The following CPD variants were observed in gnomAD, a reference collection of about 807,000 sequenced individuals.
CPD encodes metallocarboxypeptidase D.
In CPD, 69 loss-of-function variants were observed where a neutral mutation model predicts 138.3. The observed-to-expected ratio is 0.50, with a 90% CI of 0.41 to 0.61. CPD has a LOEUF of 0.61. CPD is among the 20% of genes least tolerant of loss of function. The pLI is 0.00. For synonymous variants in CPD, 651 were observed against 642.1 expected, an observed-to-expected ratio of 1.01 and a Z score of -0.21; for missense variants, 1,432 against 1,733.3, an observed-to-expected ratio of 0.83 and a Z score of 3.09.
intron 17 of CPD, among the ~76,000 whole-genome samples, chr17:30,457,740 A>G (rs938796738): frequency 6.6e-6 from 1 of 150,882 alleles, no homozygotes; most frequent in Non-Finnish European, 1.5e-5. Context: ...TTCGCAGCTT[A>G]TTGCAGCCTG....
intron 11 of CPD, 138 bp downstream of exon 11, chr17:30,444,109 C>A: frequency 2.8e-6 from 2 of 721,662 alleles, no homozygotes; most frequent in Non-Finnish European, 4.4e-6. Context: ...GCTGGTTATA[C>A]CTTTGACTCT....
chr17:30,395,180 A>T (rs1911466777), intron 2 of CPD, among the ~76,000 whole-genome samples: 1 of 150,940 alleles, frequency 6.6e-6, no homozygotes, highest in South Asian at 2.1e-4. Flanking sequence ...CATATATATA[A>T]ATGAACAGAT....
At chr17:30,437,014 G>A (rs1218506098) in intron 8 of CPD, among the ~76,000 whole-genome samples, 2 of 151,994 alleles carry the variant, frequency 1.3e-5, no homozygotes, top group Non-Finnish European at 2.9e-5. Context: ...AGTGAAAGAA[G>A]TCACAAGAGA....
At chr17:30,445,452 A>G (rs187367686) in intron 11 of CPD, among the ~76,000 whole-genome samples, 13 of 152,230 alleles carry the variant, frequency 8.5e-5, no homozygotes, top group Non-Finnish European at 1.5e-4. Context: ...GTGACAGAGC[A>G]AGACTCCATC....
At chr17:30,423,151 TAAAAG>T in intron 5 of CPD, 128 bp downstream of exon 5, 5 of 703,524 alleles carry the variant, frequency 7.1e-6, no homozygotes, top group South Asian at 2.3e-5. Flanking sequence ...TAACTAAAAT[TAAAAG>T]AAAGCAAAAA....
At chr17:30,455,628 A>C in intron 15 of CPD, 158 bp downstream of exon 15, 1 of 688,528 alleles carries the variant, frequency 1.5e-6, no homozygotes, top group South Asian at 2.4e-5. Context: ...TCAGCAGTTC[A>C]GTTACTTGGA....
rs541867688 is a variant in CPD at position 30,398,827 on chromosome 17, A to C, written c.994+13591A>C. On this transcript the variant is annotated intron_variant, in intron 2 of 20. Coordinates refer to ENST00000225719, the MANE Select transcript of CPD (RefSeq NM_001304.5). ...TTAAAATAATTAAAAAAATAAATTT[A>C]AAAATAATTTTAAAAATAAAAAAAA... is the stretch of plus-strand genomic sequence containing the variant. Among the ~76,000 whole-genome samples the C allele has an allele frequency of 3.7e-3, 561 of 151,194 alleles. 4 individuals carry two copies. Among genetic ancestry groups the C allele is most frequent in the Non-Finnish European group, 4.7e-3 (318 of 67,690 alleles).
In CPD at chr17:30,423,620, T is replaced by G; in HGVS notation, c.1772T>G (p.Val591Gly). The change falls in exon 6 of 21, where the codon GTC becomes GGC. Residue 591 changes from valine (V) to glycine (G), a missense_variant. Val to Gly is a moderately radical substitution (Grantham distance 109). This residue lies in a region of CPD where 297 missense variants were observed against 405.3 expected (regional missense o/e 0.73). Transcript: ENST00000225719. ...LCKNFGTDPE[V>G]TDLVHNTRIH... is the part of the protein sequence containing the mutation. The stretch of plus-strand genomic sequence containing the variant: ...AAGAACTTTGGAACAGACCCTGAAG[T>G]CACAGATTTGGTTCATAACACTAGA... The G allele has an allele frequency of 6.2e-7, 1 of 1,612,664 alleles. No individual in the cohort carries two copies. The highest frequency in any genetic ancestry group is 8.5e-7 in the Non-Finnish European group (1 of 1,179,384).
chr17:30,420,738 A>G, intron 2 of CPD, 103 bp from the exon 3 acceptor site: 1 of 1,085,726 alleles, frequency 9.2e-7, no homozygotes, highest in Non-Finnish European at 1.3e-6. Context: ...TGAAAAGAAA[A>G]GAAAATTTAT....
At chr17:30,390,970 C>T (rs747658487) in intron 2 of CPD, among the ~76,000 whole-genome samples, 4 of 151,758 alleles carry the variant, frequency 2.6e-5, no homozygotes, top group African/African-American at 4.8e-5. Flanking sequence ...GCTGAGGTTA[C>T]GGGCATGTAC....
chr17:30,453,413 C>A (rs1361634987), intron 14 of CPD, among the ~76,000 whole-genome samples: 1 of 152,204 alleles, frequency 6.6e-6, no homozygotes, highest in Non-Finnish European at 1.5e-5. Flanking sequence ...CAAAAATTTT[C>A]TCCTTTGACT....
At chr17:30,421,595 G>A in intron 3 of CPD, 69 bp from the exon 4 acceptor site, 1 of 1,367,284 alleles carries the variant, frequency 7.3e-7, no homozygotes, top group Non-Finnish European at 1.0e-6. Context: ...TAGTATCGGT[G>A]CAGAGAGAAA....
At position 30,379,346 on chromosome 17, in the gene CPD, G is replaced by T; in HGVS notation, c.366G>T (p.Ala122=). The change falls in exon 1 of 21, where the codon GCG becomes GCT. Residue 122 remains alanine (A), a synonymous_variant. Transcript: ENST00000225719. This position sits in a 1 kb window ranked among gnomAD's most constrained non-coding sequence, Gnocchi z 7.0. Reference sequence around the variant, plus strand: ...CTGACGCTGCCGGGCCCGACGCTGCGGGGCCGCTGCTGCCCGGCCGGCCCC... The same window carrying T: ...CTGACGCTGCCGGGCCCGACGCTGCTGGGCCGCTGCTGCCCGGCCGGCCCC... ...AGPDAAGPDA[A]GPLLPGRPQV... 3 of 1,495,182 alleles carry T rather than the reference G, an allele frequency of 2.0e-6. 1 individual carries two copies. Among genetic ancestry groups the T allele is most frequent in the South Asian group, 2.5e-5 (2 of 79,808 alleles). 92.6% of individuals were successfully genotyped at this position (1,495,182 alleles called of 1,614,324 possible).
chr17:30,458,880 GAAA>G (rs1913375008), intron 17 of CPD, among the ~76,000 whole-genome samples: 5 of 144,544 alleles, frequency 3.5e-5, no homozygotes, highest in Non-Finnish European at 7.6e-5. Context: ...AAAAAAAAAA[GAAA>G]AAAAAGAGTT....
At chr17:30,458,183 A>G (rs1339472361) in intron 17 of CPD, among the ~76,000 whole-genome samples, 1 of 152,144 alleles carries the variant, frequency 6.6e-6, no homozygotes, top group African/African-American at 2.4e-5. Context: ...AACAAACACG[A>G]AACTCTGTCT....
At chr17:30,419,527 G>A (rs897168283) in intron 2 of CPD, among the ~76,000 whole-genome samples, 7 of 152,120 alleles carry the variant, frequency 4.6e-5, no homozygotes, top group African/African-American at 1.7e-4. Context: ...TTTTAGTAGA[G>A]ACAGGGTTTC....
At position 30,469,005 on chromosome 17, in the gene CPD, C is replaced by T. The variant is rs117318658; in HGVS notation, c.*4191C>T. The T allele has an allele frequency of 2.0e-5, 3 of 152,216 alleles. No homozygotes were observed. In the East Asian group the frequency reaches 5.8e-4, roughly 29 times the overall value. 9.4% of individuals were successfully genotyped at this position (152,216 alleles called of 1,614,324 possible). ...AAGGTTTTTATGTACGCATTTTAAA[C>T]TTGTTCGTTAAAAATTTGGTCCTTT... On this transcript the variant is annotated 3_prime_UTR_variant, in exon 21 of 21. Coordinates refer to ENST00000225719, the MANE Select transcript of CPD (RefSeq NM_001304.5).
intron 7 of CPD, among the ~76,000 whole-genome samples, chr17:30,429,074 G>A (rs566068846): frequency 6.6e-6 from 1 of 152,202 alleles, no homozygotes; most frequent in Admixed American, 6.5e-5. Flanking sequence ...TCCAAAAATT[G>A]CTTTGAAAGA....
chr17:30,445,790 A>G lies in CPD; in HGVS notation c.2643A>G (p.Ser881=). 1 of 1,614,116 alleles carries G rather than the reference A, an allele frequency of 6.2e-7. No homozygotes were observed. Among genetic ancestry groups the G allele is most frequent in the Non-Finnish European group, 8.5e-7 (1 of 1,180,010 alleles). Reference sequence around the variant, plus strand: ...CCTCAACAGATTCAAACAATGAATCAAAGAAAGGAAAAGGGGCTAGCAGCA... The same window carrying G: ...CCTCAACAGATTCAAACAATGAATCGAAGAAAGGAAAAGGGGCTAGCAGCA... The part of the protein sequence containing the change: ...VRSSTDSNNE[S]KKGKGASSST... The change falls in exon 12 of 21, where the codon TCA becomes TCG. Residue 881 remains serine (S), a synonymous_variant. Coordinates refer to ENST00000225719, the MANE Select transcript of CPD (RefSeq NM_001304.5).
Sources: allele counts gnomAD v4.1 joint callset (sites outside exome capture counted in the v4.1 genomes callset), GRCh38; gene constraint gnomAD v4.1.1; regional missense constraint gnomAD v4.1.1; non-coding constraint Gnocchi (gnomAD v3.1); transcripts MANE v1.5; gene names NCBI Gene and HGNC (gene_info 2026-07-23, HGNC 2026-07-21).